WDR37: variants seen among roughly 807,000 people sequenced by gnomAD.
The protein encoded by WDR37 is WD repeat-containing protein 37.
WDR37 carries 19 observed loss-of-function variants against 62.9 expected under a neutral mutation model. The observed-to-expected ratio is 0.30, with a 90% CI of 0.21 to 0.44. The LOEUF is 0.44. Ranked by LOEUF, WDR37 falls within the 20% of genes least tolerant of loss-of-function variation. The pLI is 1.00. For missense variants in WDR37, 474 were observed against 657.6 expected (o/e 0.72, Z 3.05); for synonymous variants, 250 against 260.9 (o/e 0.96, Z 0.40).
chr10:1,067,581 C>G (rs549591218), intron 1 of WDR37, among the ~76,000 whole-genome samples: 1 of 152,152 alleles, frequency 6.6e-6, no homozygotes, highest in East Asian at 1.9e-4. Flanking sequence ...GTAAAAAACC[C>G]GAATAATACT....
intron 3 of WDR37, 84 bp downstream of exon 3, chr10:1,078,087 GTTTT>G: frequency 9.2e-7 from 1 of 1,081,950 alleles, no homozygotes; most frequent in Non-Finnish European, 1.3e-6. Context: ...CACTATATTA[GTTTT>G]CTGTTCTGCT....
Position 1,131,361 on chromosome 10 carries a change from A to G in WDR37, c.*2017A>G, listed in dbSNP as rs1835943135. 1 of 152,254 alleles carries G rather than the reference A, an allele frequency of 6.6e-6. No individual in the cohort carries two copies. The highest frequency in any genetic ancestry group is 1.5e-5 in the Non-Finnish European group (1 of 68,044). 9.4% of individuals were successfully genotyped at this position (152,254 alleles called of 1,614,324 possible). On this transcript the variant is annotated 3_prime_UTR_variant, in exon 14 of 14. Coordinates refer to ENST00000263150, the MANE Select transcript of WDR37 (RefSeq NM_014023.4). ...TTAGGAACATTGAAAAATGGCTGCA[A>G]ATAGCCAAATCAAACTTAAGAACCA... is the stretch of plus-strand genomic sequence containing the variant.
intron 1 of WDR37, among the ~76,000 whole-genome samples, chr10:1,068,386 G>A (rs1483759999): frequency 8.7e-6 from 1 of 115,326 alleles, no homozygotes; most frequent in South Asian, 2.9e-4. Flanking sequence ...GAACCCGGGA[G>A]GCGGAGGTTG....
In WDR37 at chr10:1,129,669, AATG is replaced by A; in HGVS notation, c.*326_*328del. ...TAGGGCATTACATTTGTGTGAATTA[AATG>A]TGAACTTCTGTATTACGTTGCGGCG... On this transcript the variant is annotated 3_prime_UTR_variant, in exon 14 of 14. Coordinates refer to ENST00000263150, the MANE Select transcript of WDR37 (RefSeq NM_014023.4). The A allele has an allele frequency of 3.4e-5, 7 of 206,072 alleles. No homozygotes were observed. In the South Asian group the frequency reaches 3.8e-4, roughly 11 times the overall value. The allele number at this position is 206,072 out of a possible 1,614,324, so 12.8% of individuals were successfully genotyped here.
At chr10:1,059,396 G>A (rs371803056) in intron 1 of WDR37, among the ~76,000 whole-genome samples, 28 of 152,168 alleles carry the variant, frequency 1.8e-4, no homozygotes, top group African/African-American at 6.3e-4. Flanking sequence ...AGAATTTGTC[G>A]TATTGCTGTT....
intron 1 of WDR37, among the ~76,000 whole-genome samples, chr10:1,060,384 A>G (rs1833338090): frequency 1.3e-5 from 2 of 152,204 alleles, no homozygotes; most frequent in Non-Finnish European, 2.9e-5. Flanking sequence ...AGGAGCGTTT[A>G]TTCTGTTAAA....
chr10:1,122,311 C>T (rs1299616826), intron 11 of WDR37, among the ~76,000 whole-genome samples: 1 of 152,166 alleles, frequency 6.6e-6, no homozygotes, highest in African/African-American at 2.4e-5. Flanking sequence ...TCGTAGGTAT[C>T]TCAGCTGCTT....
rs578013108 is a variant in WDR37, at chr10:1,085,221, C to T, written c.532+683C>T. On this transcript the variant is annotated intron_variant, in intron 6 of 13. Transcript: ENST00000263150. ...TCTCCTGACCTTGTGATCTGCCTGC[C>T]TTGGGCTCCCAAAGTGTTGGGATTA... is the stretch of plus-strand genomic sequence containing the variant. Among the ~76,000 whole-genome samples the T allele has an allele frequency of 2.1e-4, 32 of 152,242 alleles. No homozygotes were observed. The South Asian group carries it at 6.4e-3, about 31-fold the overall frequency.
Position 1,107,006 on chromosome 10 carries a change from C to T in WDR37, c.1103+1739C>T, listed in dbSNP as rs570282957. The stretch of plus-strand genomic sequence containing the variant: ...AGGTCAGCGTTTATTCTGCCAGCTC[C>T]GTCAGCGATAGCCATAGTAATACAG... On this transcript the variant is annotated intron_variant, in intron 11 of 13. Coordinates refer to ENST00000263150, the MANE Select transcript of WDR37 (RefSeq NM_014023.4). 2.3e-4 allele frequency among the ~76,000 whole-genome samples: 35 copies of T among 152,274 alleles called. 1 individual carries two copies. The highest frequency in any genetic ancestry group is 7.7e-4 in the African/African-American group (32 of 41,554).
chr10:1,128,385 C>A (rs1835866279), intron 13 of WDR37, among the ~76,000 whole-genome samples: 2 of 152,352 alleles, frequency 1.3e-5, no homozygotes, highest in Admixed American at 6.5e-5. Flanking sequence ...TATGTACATA[C>A]ACACCGATAT....
At chr10:1,125,627 C>T (rs1389679867) in intron 13 of WDR37, among the ~76,000 whole-genome samples, 1 of 152,114 alleles carries the variant, frequency 6.6e-6, no homozygotes, top group Non-Finnish European at 1.5e-5. Flanking sequence ...GGTGGTGGCT[C>T]TGTGGGGAAG....
chr10:1,087,156 T>C (rs1231451015), intron 7 of WDR37, among the ~76,000 whole-genome samples: 1 of 152,234 alleles, frequency 6.6e-6, no homozygotes, highest in Non-Finnish European at 1.5e-5. Context: ...CAGTGTCTTC[T>C]CTTTCTTGCC....
intron 8 of WDR37, among the ~76,000 whole-genome samples, chr10:1,094,049 C>G (rs1164916569): frequency 6.6e-6 from 1 of 152,212 alleles, no homozygotes; most frequent in African/African-American, 2.4e-5. Context: ...GTGAGATTGT[C>G]AGACCCCCAC....
Position 1,091,651 on chromosome 10 carries a change from G to T in WDR37, c.605-1801G>T, listed in dbSNP as rs1285194611. Among the ~76,000 whole-genome samples the T allele has an allele frequency of 2.0e-5, 3 of 152,294 alleles. No individual in the cohort carries two copies. The East Asian group carries it at 5.8e-4, about 29-fold the overall frequency. On this transcript the variant is annotated intron_variant, in intron 7 of 13. Coordinates refer to ENST00000263150, the MANE Select transcript of WDR37 (RefSeq NM_014023.4). Reference sequence around the variant, plus strand: ...AGTCAGCTCTTTGCTCTGCTGACTGGTGCTGACTGATGGTAGCTCACCCCA... The same window carrying T: ...AGTCAGCTCTTTGCTCTGCTGACTGTTGCTGACTGATGGTAGCTCACCCCA...
intron 1 of WDR37, among the ~76,000 whole-genome samples, chr10:1,064,117 AAAG>A (rs1262109710): frequency 6.6e-6 from 1 of 152,242 alleles, no homozygotes; most frequent in Admixed American, 6.5e-5. Context: ...AGGATGTAAA[AAAG>A]AAACACAAAA....
chr10:1,110,170 G>A (rs930159854), intron 11 of WDR37, among the ~76,000 whole-genome samples: 2 of 152,168 alleles, frequency 1.3e-5, no homozygotes, highest in African/African-American at 2.4e-5. Flanking sequence ...TGCTGTGTCG[G>A]GGCGAGTCCG....
In WDR37 at chr10:1,059,781, AGCGAGACTCT is replaced by A. The variant is rs1278516724; in HGVS notation, c.-41+2815_-41+2824del. On this transcript the variant is annotated intron_variant, in intron 1 of 13. Coordinates refer to ENST00000263150, the MANE Select transcript of WDR37 (RefSeq NM_014023.4). ...CACTGCACTCCAACCTGGGCGACAG[AGCGAGACTCT>A]GTCTCAAAAAATATATATATAAAAG... is the stretch of plus-strand genomic sequence containing the variant. Among the ~76,000 whole-genome samples the A allele has an allele frequency of 3.3e-5, 5 of 152,184 alleles. No individual in the cohort carries two copies. The East Asian group carries it at 9.6e-4, about 29-fold the overall frequency.
chr10:1,112,708 T>C (rs1463976942), intron 11 of WDR37, among the ~76,000 whole-genome samples: 1 of 152,258 alleles, frequency 6.6e-6, no homozygotes, highest in African/African-American at 2.4e-5. Flanking sequence ...TTGAGTGGTC[T>C]GCATTGATTA....
chr10:1,095,390 G>T (rs1357785630), intron 8 of WDR37, among the ~76,000 whole-genome samples: 1 of 144,676 alleles, frequency 6.9e-6, no homozygotes, highest in African/African-American at 2.6e-5. Context: ...AGAGAGGAGA[G>T]TTAGAGGGGA....
Sources: gnomAD v4.1 joint callset for allele counts (sites outside exome capture counted in the v4.1 genomes callset) on GRCh38, gnomAD v4.1.1 for gene constraint, MANE v1.5 for transcripts, NCBI Gene and HGNC (gene_info 2026-07-23, HGNC 2026-07-21) for gene names.